SH3GL1: variants seen among roughly 807,000 people sequenced by gnomAD.
SH3GL1 encodes the protein endophilin-A2.
SH3GL1 carries 21 observed loss-of-function variants against 48.8 expected under a neutral mutation model. That is an observed-to-expected ratio of 0.43 (90% CI 0.30 to 0.62). The LOEUF is 0.62. Ranked by LOEUF, SH3GL1 falls within the 20% of genes least tolerant of loss-of-function variation. The probability of loss-of-function intolerance (pLI) is 0.11; values close to 1 mark genes in which losing one functional copy is unlikely to be tolerated. For missense variants in SH3GL1, 454 were observed against 503.0 expected, an observed-to-expected ratio of 0.90 and a Z score of 0.93; for synonymous variants, 282 against 217.5, an observed-to-expected ratio of 1.30 and a Z score of -2.61.
intron 1 of SH3GL1, among the ~76,000 whole-genome samples, chr19:4,397,850 TTTTA>T (rs1973452290): frequency 6.6e-6 from 1 of 152,146 alleles, no homozygotes; most frequent in Non-Finnish European, 1.5e-5. Context: ...TTGTTACTTT[TTTTA>T]TTTATTTTTT....
intron 1 of SH3GL1, among the ~76,000 whole-genome samples, chr19:4,373,565 C>A (rs946672758): frequency 6.6e-6 from 1 of 152,256 alleles, no homozygotes; most frequent in Non-Finnish European, 1.5e-5. Context: ...CACCCGGGGA[C>A]AGCCACAGAC....
chr19:4,379,114 G>A (rs1364502379), intron 1 of SH3GL1, among the ~76,000 whole-genome samples: 2 of 152,236 alleles, frequency 1.3e-5, no homozygotes, highest in East Asian at 1.9e-4. Context: ...GTCAATGGCC[G>A]TGACACAAAT....
At chr19:4,398,600 T>C (rs1291408886) in intron 1 of SH3GL1, among the ~76,000 whole-genome samples, 2 of 151,984 alleles carry the variant, frequency 1.3e-5, no homozygotes, top group African/African-American at 2.4e-5. Context: ...CTCAAACTCC[T>C]GGCTTCAAGT....
chr19:4,362,499 G>A (rs1043076634), intron 8 of SH3GL1, 113 bp downstream of exon 8: 58 of 1,574,626 alleles, frequency 3.7e-5, no homozygotes, highest in Admixed American at 2.4e-4. Context: ...GATGGAGCAC[G>A]GCTGAGAGCT....
In SH3GL1 at chr19:4,372,116, A is replaced by G. The variant is rs149409494; in HGVS notation, c.46-5122T>C. Among the ~76,000 whole-genome samples, 101 of 152,310 alleles carry G rather than the reference A, an allele frequency of 6.6e-4. 1 individual carries two copies. Among genetic ancestry groups the G allele is most frequent in the African/African-American group, 2.4e-3 (98 of 41,562 alleles). On this transcript the variant is annotated intron_variant, in intron 1 of 9. Coordinates refer to ENST00000269886, the MANE Select transcript of SH3GL1 (RefSeq NM_003025.4). ...ACACAGTGTGCCTGGCCAAGGCCAT[A>G]CATTTACAGGACTAGGGGACAACAG...
Position 4,363,476 on chromosome 19 carries a change from G to A in SH3GL1, c.625-3C>T, listed in dbSNP as rs1356490145. ...GAGAGCTGACTCACCTGCTCGATCT[G>A]TGGGGACAGTAGGGCTCAGGGGCTC... On this transcript the variant is annotated splice_region_variant and splice_polypyrimidine_tract_variant and intron_variant, in intron 6 of 9. Coordinates refer to ENST00000269886, the MANE Select transcript of SH3GL1 (RefSeq NM_003025.4). 8.7e-6 allele frequency: 14 copies of A among 1,610,540 alleles called. No homozygotes were observed. Among genetic ancestry groups the A allele is most frequent in the East Asian group, 2.2e-5 (1 of 44,754 alleles).
chr19:4,372,177 C>T (rs933674846), intron 1 of SH3GL1, among the ~76,000 whole-genome samples: 1 of 152,146 alleles, frequency 6.6e-6, no homozygotes, highest in Non-Finnish European at 1.5e-5. Context: ...AGCTGGGGAC[C>T]ATAGGAGGGG....
Position 4,363,889 on chromosome 19 carries a change from G to C in SH3GL1, c.466-11C>G, listed in dbSNP as rs748062235. ...TTTCTTCAGGTGGTGCTGGAGACGTGGGGGACATGGGTCACACCAGTAGCG... is the reference window on the plus strand; with the variant it reads ...TTTCTTCAGGTGGTGCTGGAGACGTCGGGGACATGGGTCACACCAGTAGCG... On this transcript the variant is annotated splice_polypyrimidine_tract_variant and intron_variant, in intron 5 of 9. Coordinates refer to ENST00000269886, the MANE Select transcript of SH3GL1 (RefSeq NM_003025.4). 3 of 1,611,818 alleles carry C rather than the reference G, an allele frequency of 1.9e-6. No homozygotes were observed. The highest frequency in any genetic ancestry group is 2.5e-6 in the Non-Finnish European group (3 of 1,179,976).
intron 1 of SH3GL1, among the ~76,000 whole-genome samples, chr19:4,372,862 C>A (rs566089710): frequency 6.6e-5 from 10 of 152,226 alleles, no homozygotes; most frequent in Non-Finnish European, 1.3e-4. Flanking sequence ...TTCCTGGAAA[C>A]CTTCAGTGGC....
At chr19:4,373,143 G>C (rs558295497) in intron 1 of SH3GL1, among the ~76,000 whole-genome samples, 1 of 152,104 alleles carries the variant, frequency 6.6e-6, no homozygotes, top group Non-Finnish European at 1.5e-5. Context: ...GGGGCCACAG[G>C]AGCACCACAG....
At chr19:4,364,896 G>GTGTGTGTGTA (rs1972733916) in intron 4 of SH3GL1, among the ~76,000 whole-genome samples, 1 of 116,326 alleles carries the variant, frequency 8.6e-6, no homozygotes, top group Non-Finnish European at 1.8e-5. Context: ...GTGTGTGTGT[G>GTGTGTGTGTA]TGTATATATA....
chr19:4,364,252 A>G (rs1384953291), intron 4 of SH3GL1, 31 bp from the exon 5 acceptor site: 3 of 1,613,524 alleles, frequency 1.9e-6, no homozygotes, highest in Non-Finnish European at 2.5e-6. Context: ...AAGCCATCAT[A>G]CCGGGCCTGG....
rs118006717 is a variant in SH3GL1 at position 4,378,306 on chromosome 19, G to A, written c.46-11312C>T. Among the ~76,000 whole-genome samples, 1,013 of 152,250 alleles carry A rather than the reference G, an allele frequency of 6.7e-3. 8 individuals carry two copies. The highest frequency in any genetic ancestry group is 0.017 in the Middle Eastern group (5 of 294). On this transcript the variant is annotated intron_variant, in intron 1 of 9. Transcript: ENST00000269886. Reference sequence around the variant, plus strand: ...TTAGGGTGCCTGGATGGGCGACACCGGGACTGGATGTGGTTCCAGCTCTGC... The same window carrying A: ...TTAGGGTGCCTGGATGGGCGACACCAGGACTGGATGTGGTTCCAGCTCTGC...
chr19:4,383,275 C>T (rs1205497511), intron 1 of SH3GL1, among the ~76,000 whole-genome samples: 6 of 150,930 alleles, frequency 4.0e-5, no homozygotes, highest in Non-Finnish European at 8.8e-5. Context: ...AGTGCAGTGG[C>T]GTGATCATGG....
chr19:4,393,274 AC>A (rs1374110148), intron 1 of SH3GL1, among the ~76,000 whole-genome samples: 3 of 150,094 alleles, frequency 2.0e-5, no homozygotes, highest in South Asian at 4.2e-4. Flanking sequence ...AACAAAAAAA[AC>A]AAAAATAACA....
At position 4,361,802 on chromosome 19, in the gene SH3GL1, G is replaced by A. The variant is rs762081145; in HGVS notation, c.911-6C>T. On this transcript the variant is annotated splice_polypyrimidine_tract_variant and splice_region_variant and intron_variant, in intron 9 of 9. Coordinates refer to ENST00000269886, the MANE Select transcript of SH3GL1 (RefSeq NM_003025.4). ...GCTCGGCTGGTCCAGGGGCGCTGGG[G>A]GCGGGAGCGGGCTGTGGGGCTGGGG... 5 of 1,599,030 alleles carry A rather than the reference G, an allele frequency of 3.1e-6. No homozygotes were observed. The highest frequency in any genetic ancestry group is 4.3e-6 in the Non-Finnish European group (5 of 1,175,146).
intron 1 of SH3GL1, chr19:4,390,109 C>T (rs953084125): frequency 1.8e-4 from 27 of 152,454 alleles, no homozygotes; most frequent in Admixed American, 2.0e-4. Flanking sequence ...GTCAGTGGGC[C>T]GCTGCTGAGT....
chr19:4,395,677 G>A (rs1180972661), intron 1 of SH3GL1: 1 of 152,162 alleles, frequency 6.6e-6, no homozygotes, highest in Admixed American at 6.6e-5. Flanking sequence ...GGAGGCTGAG[G>A]CGGGCAGATC....
chr19:4,400,339 G>A lies in SH3GL1; in HGVS notation c.30C>T (p.Phe10=). 6.3e-7 allele frequency: 1 copy of A among 1,596,884 alleles called. No homozygotes were observed. Among genetic ancestry groups the A allele is most frequent in the Non-Finnish European group, 8.5e-7 (1 of 1,174,980 alleles). Residue 10 remains phenylalanine, a synonymous_variant, in exon 1 of 10, where the codon TTC becomes TTT. Transcript: ENST00000269886. The surrounding 1 kb of genome is among the most constrained non-coding windows in gnomAD (Gnocchi z 4.1). MSVAGLKKQ[F]YKASQLVSEK... ...CTGCGCTCACCTGGCTCGCCTTGTA[G>A]AACTGCTTCTTCAGCCCCGCCACCG...
Sources: allele counts gnomAD v4.1 joint callset (sites outside exome capture counted in the v4.1 genomes callset), GRCh38; gene constraint gnomAD v4.1.1; non-coding constraint Gnocchi (gnomAD v3.1); transcripts MANE v1.5; gene names NCBI Gene and HGNC (gene_info 2026-07-23, HGNC 2026-07-21).